THUMPD1: variants seen among roughly 807,000 people sequenced by gnomAD.
THUMPD1 encodes the protein THUMP domain 1 NAT10 acetyltransferase adaptor.
Under a neutral mutation model 31.6 loss-of-function variants are expected in THUMPD1, and 31 were observed. The ratio of observed to expected loss-of-function variants is 0.98; its 90% CI spans 0.74 to 1.32. The LOEUF (loss-of-function observed/expected upper bound fraction) is 1.32, where lower values mean the gene tolerates loss of function less well. Among genes scored for constraint, THUMPD1 ranks in the 40% most tolerant of loss-of-function variants. The pLI is 0.00. For synonymous variants in THUMPD1, 166 were observed against 158.2 expected (o/e 1.05, Z -0.37); for missense variants, 446 against 427.8 (o/e 1.04, Z -0.38).
At position 20,741,497 on chromosome 16, in the gene THUMPD1, CGGGACCGGTA is replaced by C; in HGVS notation, c.231+2_231+11del. The C allele has an allele frequency of 2.1e-6, 3 of 1,430,164 alleles. No homozygotes were observed. Among genetic ancestry groups the C allele is most frequent in the South Asian group, 2.8e-5 (2 of 70,782 alleles). 88.6% of individuals were successfully genotyped at this position (1,430,164 alleles called of 1,614,324 possible). ...TGGCAGCCGGCCCGCCCGCCCACCC[CGGGACCGGTA>C]CCTTTTCTGGCCCATACATGTCGTC... On this transcript the variant is annotated splice_donor_variant and splice_donor_5th_base_variant and intron_variant, in intron 1 of 3. Coordinates refer to ENST00000396083, the MANE Select transcript of THUMPD1 (RefSeq NM_017736.5). LOFTEE classifies it high-confidence loss of function.
rs2079864314 is a variant in THUMPD1, at chr16:20,735,836, A to G, written c.*1044T>C. 6.6e-6 allele frequency: 1 copy of G among 152,214 alleles called. No homozygotes were observed. Among genetic ancestry groups the G allele is most frequent in the South Asian group, 2.1e-4 (1 of 4,834 alleles). The allele number at this position is 152,214 out of a possible 1,614,324, so 9.4% of individuals were successfully genotyped here. ...TGCATCATATGACATATCATCAGTA[A>G]ATCAACTTATTGAGAATAAAGTCTC... is the stretch of plus-strand genomic sequence containing the variant. On this transcript the variant is annotated 3_prime_UTR_variant, in exon 4 of 4. Coordinates refer to ENST00000396083, the MANE Select transcript of THUMPD1 (RefSeq NM_017736.5).
chr16:20,738,676 C>T (rs765380521), intron 2 of THUMPD1: 6 of 545,952 alleles, frequency 1.1e-5, no homozygotes, highest in African/African-American at 1.9e-5. Context: ...AAGTTATATA[C>T]GAAGGAAGCA....
Position 20,738,916 on chromosome 16 carries a change from G to A in THUMPD1, c.387C>T (p.Phe129=). The stretch of plus-strand genomic sequence containing the variant: ...TCACACCTATCCCAAGTGTCCTGAT[G>A]AAGACAACGTTATTTGCTCCACTTT... ...SVESGANNVV[F]IRTLGIEPEK... Residue 129 remains phenylalanine, a synonymous_variant, in exon 2 of 4, where the codon TTC becomes TTT. Transcript: ENST00000396083. 1 of 1,614,140 alleles carries A rather than the reference G, an allele frequency of 6.2e-7. No individual in the cohort carries two copies. Among genetic ancestry groups the A allele is most frequent in the Non-Finnish European group, 8.5e-7 (1 of 1,180,010 alleles).
chr16:20,739,572 G>C (rs1399373939), intron 1 of THUMPD1, among the ~76,000 whole-genome samples: 1 of 152,094 alleles, frequency 6.6e-6, no homozygotes, highest in Admixed American at 6.5e-5. Flanking sequence ...CATAATCCCA[G>C]CACTCTGGGA....
chr16:20,741,481 G>GGGGGGGGGGGCCCCCCCCCCCCC, intron 1 of THUMPD1, 28 bp downstream of exon 1: 4 of 1,308,406 alleles, frequency 3.1e-6, no homozygotes, highest in Non-Finnish European at 4.0e-6. Flanking sequence ...CTGGCAGCCG[G>GGGGGGGGGGGCCCCCCCCCCCCC]CCCGCCCGCC....
chr16:20,737,788 T>C lies in THUMPD1; in HGVS notation c.575A>G (p.Asn192Ser), dbSNP rs1397206193. Reference protein sequence around the residue: ...TFLEPWFKAPNKGTFQIVYKS... With the variant: ...TFLEPWFKAPSKGTFQIVYKS... ...GTACACAATCTGAAATGTCCCTTTG[T>C]TTGGAGCTTTAAACCAGGGTTCCAA... The change falls in exon 3 of 4, where the codon AAC becomes AGC. Residue 192 changes from asparagine (N) to serine (S), a missense_variant. Physicochemically the swap from Asn to Ser is conservative, Grantham distance 46. Transcript: ENST00000396083. 6.2e-7 allele frequency: 1 copy of C among 1,613,880 alleles called. No homozygotes were observed. The highest frequency in any genetic ancestry group is 2.2e-5 in the East Asian group (1 of 44,832).
intron 2 of THUMPD1, 35 bp downstream of exon 2, chr16:20,738,862 A>T: frequency 6.2e-7 from 1 of 1,607,264 alleles, no homozygotes; most frequent in Non-Finnish European, 8.5e-7. Context: ...CCCAGATGTT[A>T]TGAGATCGAT....
At chr16:20,741,369 A>C in intron 1 of THUMPD1, 140 bp downstream of exon 1, 1 of 1,091,190 alleles carries the variant, frequency 9.2e-7, no homozygotes. Flanking sequence ...AGGGACGGAA[A>C]CGCCGGCGAG....
chr16:20,741,614 C>T lies in THUMPD1; in HGVS notation c.126G>A (p.Gly42=). 6.4e-7 allele frequency: 1 copy of T among 1,573,198 alleles called. No homozygotes were observed. Among genetic ancestry groups the T allele is most frequent in the Non-Finnish European group, 8.6e-7 (1 of 1,159,328 alleles). ...DAGGPRQLEP[G]LQGILITCNM... is the part of the protein sequence containing the mutation. ...TGCAGGTGATGAGGATGCCCTGTAG[C>T]CCGGGCTCTAGCTGACGGGGCCCGC... The change falls in exon 1 of 4, where the codon GGG becomes GGA. Residue 42 remains glycine (G), a synonymous_variant. Transcript: ENST00000396083.
chr16:20,737,116 G>A lies in THUMPD1; in HGVS notation c.826C>T (p.Gln276Ter). The A allele has an allele frequency of 6.2e-7, 1 of 1,614,180 alleles. No individual in the cohort carries two copies. The highest frequency in any genetic ancestry group is 1.1e-5 in the South Asian group (1 of 91,078). ...EVVKSPKDPS[Q>*]LNSKQGNGKE... ...CCATTTCCCTGCTTTGAGTTAAGCT[G>A]TGACGGATCCTTAGGGCTCTTCACC... The change falls in exon 4 of 4, where the codon CAG (glutamine) becomes TAG (stop). Residue 276 changes from glutamine (Q) to a stop codon, truncating the protein, a stop_gained. Coordinates refer to ENST00000396083, the MANE Select transcript of THUMPD1 (RefSeq NM_017736.5). LOFTEE classifies it high-confidence loss of function.
At position 20,741,773 on chromosome 16, in the gene THUMPD1, T is replaced by C. The variant is rs753688644; in HGVS notation, c.-34A>G. 7.7e-6 allele frequency: 12 copies of C among 1,551,058 alleles called. No homozygotes were observed. Among genetic ancestry groups the C allele is most frequent in the Non-Finnish European group, 1.0e-5 (12 of 1,147,686 alleles). On this transcript the variant is annotated 5_prime_UTR_variant, in exon 1 of 4. Coordinates refer to ENST00000396083, the MANE Select transcript of THUMPD1 (RefSeq NM_017736.5). ...CAAACTGAGAGGAAAGAGAAACGTT[T>C]CTCCGCTGCTGTTGGCGTCCTCGTC...
Position 20,737,958 on chromosome 16 carries a change from T to G in THUMPD1, c.407-2A>C. The stretch of plus-strand genomic sequence containing the variant: ...TATGATGCACCAATTTCTCAGGCTC[T>G]TAAGAAAAAAAAAAAGTTAAGAAGA... On this transcript the variant is annotated splice_acceptor_variant, in intron 2 of 3. Transcript: ENST00000396083. LOFTEE classifies it high-confidence loss of function. 1.3e-6 allele frequency: 2 copies of G among 1,569,820 alleles called. No homozygotes were observed. Among genetic ancestry groups the G allele is most frequent in the Non-Finnish European group, 1.7e-6 (2 of 1,163,648 alleles).
chr16:20,741,635 C>T lies in THUMPD1; in HGVS notation c.105G>A (p.Gly35=). 1 of 1,580,080 alleles carries T rather than the reference C, an allele frequency of 6.3e-7. No homozygotes were observed. ...AKRARRCDAG[G]PRQLEPGLQG... ...GTAGCCCGGGCTCTAGCTGACGGGG[C>T]CCGCCAGCGTCGCAGCGCCGAGCGC... Residue 35 remains glycine, a synonymous_variant, in exon 1 of 4, where the codon GGG becomes GGA. Transcript: ENST00000396083.
In THUMPD1 at chr16:20,737,284, T is replaced by C. The variant is rs2079879068; in HGVS notation, c.658A>G (p.Ile220Val). The C allele has an allele frequency of 6.2e-7, 1 of 1,603,484 alleles. No homozygotes were observed. Reference protein sequence around the residue: ...REEVIRELAGIVCTLNSENKV... With the variant: ...REEVIRELAGVVCTLNSENKV... The stretch of plus-strand genomic sequence containing the variant: ...TTTTCTGAATTGAGGGTGCACACTA[T>C]TCCTGTAACAAAAACAGAAAAACAC... The change falls in exon 4 of 4, where the codon ATA becomes GTA. Residue 220 changes from isoleucine (I) to valine (V), a missense_variant and splice_region_variant. Transcript: ENST00000396083.
rs1489905342 is a variant in THUMPD1 at position 20,741,671 on chromosome 16, C to A, written c.69G>T (p.Val23=). 1.3e-6 allele frequency: 2 copies of A among 1,584,696 alleles called. No homozygotes were observed. The highest frequency in any genetic ancestry group is 1.2e-5 in the South Asian group (1 of 86,866). ...GGKRKGKAQY[V]LAKRARRCDA... is the part of the protein sequence containing the mutation. ...CGCAGCGCCGAGCGCGCTTGGCCAGCACATACTGAGCCTTGCCTTTGCGCT... is the reference window on the plus strand; with the variant it reads ...CGCAGCGCCGAGCGCGCTTGGCCAGAACATACTGAGCCTTGCCTTTGCGCT... Residue 23 remains valine (V), a synonymous_variant, in exon 1 of 4, where the codon GTG becomes GTT. Transcript: ENST00000396083.
intron 1 of THUMPD1, among the ~76,000 whole-genome samples, chr16:20,740,468 T>C (rs540951508): frequency 1.3e-5 from 2 of 152,388 alleles, no homozygotes; most frequent in East Asian, 3.9e-4. Flanking sequence ...CTCTGCCCCC[T>C]AGTGCCCAAC....
At position 20,736,921 on chromosome 16, in the gene THUMPD1, C is replaced by T. The variant is rs1229674028; in HGVS notation, c.1021G>A (p.Ala341Thr). The T allele has an allele frequency of 6.2e-6, 10 of 1,614,048 alleles. No individual in the cohort carries two copies. Among genetic ancestry groups the T allele is most frequent in the Non-Finnish European group, 8.5e-6 (10 of 1,180,048 alleles). ...TCATTTGACTTGGATCCTTCTGTGG[C>T]TTGACTTGCAAGTTCAGGTTTGGCT... The part of the protein sequence containing the change: ...GGAKPELASQ[A>T]TEGSKSNEND... The change falls in exon 4 of 4, where the codon GCC becomes ACC. Residue 341 changes from alanine (A) to threonine (T), a missense_variant. Physicochemically the swap from Ala to Thr is moderately conservative, Grantham distance 58 (BLOSUM62 0). Coordinates refer to ENST00000396083, the MANE Select transcript of THUMPD1 (RefSeq NM_017736.5).
intron 3 of THUMPD1, 55 bp downstream of exon 3, chr16:20,737,652 TA>T (rs2079881991): frequency 2.6e-6 from 4 of 1,528,354 alleles, no homozygotes; most frequent in Admixed American, 2.3e-5. Context: ...AAAAAATCCT[TA>T]AAAAACAAGT....
Position 20,736,953 on chromosome 16 carries a change from T to C in THUMPD1, c.989A>G (p.Glu330Gly). ...TGCAAGTTCAGGTTTGGCTCCTCCC[T>C]CATTTACCACCTGTGGATTAGACGT... ...KPTSNPQVVN[E>G]GGAKPELASQ... The change falls in exon 4 of 4, where the codon GAG (glutamate) becomes GGG (glycine). Residue 330 changes from glutamate to glycine, a missense_variant. Physicochemically the swap from Glu to Gly is moderately conservative, Grantham distance 98. Transcript: ENST00000396083. 1 of 1,614,164 alleles carries C rather than the reference T, an allele frequency of 6.2e-7. No homozygotes were observed. The highest frequency in any genetic ancestry group is 8.5e-7 in the Non-Finnish European group (1 of 1,180,024).
Sources: gnomAD v4.1 joint callset for allele counts (sites outside exome capture counted in the v4.1 genomes callset) on GRCh38, gnomAD v4.1.1 for gene constraint, MANE v1.5 for transcripts, NCBI Gene and HGNC (gene_info 2026-07-23, HGNC 2026-07-21) for gene names.